Variants in CD59 observed in about 807,000 individuals in gnomAD.
The protein encoded by CD59 is CD59 molecule (CD59 blood group), also known as CD59 glycoprotein.
CD59 carries 3 observed loss-of-function variants against 7.0 expected under a neutral mutation model. The observed-to-expected ratio is 0.43, with a 90% CI of 0.19 to 1.10. The LOEUF is 1.10. Ranked by LOEUF, CD59 falls within the 50% of genes least tolerant of loss-of-function variation. The pLI is 0.29. For synonymous variants in CD59, 60 were observed against 62.0 expected (o/e 0.97, Z 0.15); for missense variants, 143 against 151.0 (o/e 0.95, Z 0.28).
chr11:33,710,685 C>A (rs76485473), intron 3 of CD59, among the ~76,000 whole-genome samples: 3 of 151,500 alleles, frequency 2.0e-5, no homozygotes, highest in Admixed American at 6.6e-5. Context: ...TTAGAATTTA[C>A]GCTATGAAGT....
intron 1 of CD59, among the ~76,000 whole-genome samples, chr11:33,733,339 G>A (rs867915542): frequency 6.6e-6 from 1 of 152,208 alleles, no homozygotes; most frequent in Non-Finnish European, 1.5e-5. Context: ...TTATAAGGCC[G>A]AGTGTGGTGG....
At chr11:33,711,679 T>TA (rs34595102) in intron 3 of CD59, among the ~76,000 whole-genome samples, 5,163 of 150,968 alleles carry the variant, frequency 0.034, 299 homozygotes, top group African/African-American at 0.11. Context: ...CTTGCCTCTT[T>TA]AAAAAAAAAT....
rs761008545 is a variant in CD59 at position 33,710,214 on chromosome 11, A to C, written c.299T>G (p.Leu100Arg). ...KKDLCNFNEQ[L>R]ENGGTSLSEK... ...TGATAAGGATGTCCCACCATTTTCA[A>C]GCTGTTCGTTAAAGTTACACAGGTC... Residue 100 changes from leucine to arginine, a missense_variant, in exon 4 of 4, where the codon CTT becomes CGT. By Grantham distance (102) the Leu-to-Arg change is moderately radical. Coordinates refer to ENST00000642928, the MANE Select transcript of CD59 (RefSeq NM_000611.6). 58 of 1,614,076 alleles carry C rather than the reference A, an allele frequency of 3.6e-5. No individual in the cohort carries two copies. Among genetic ancestry groups the C allele is most frequent in the South Asian group, 1.9e-4 (17 of 91,090 alleles).
chr11:33,735,749 C>G (rs1327087650), intron 1 of CD59, among the ~76,000 whole-genome samples: 1 of 152,022 alleles, frequency 6.6e-6, no homozygotes, highest in Non-Finnish European at 1.5e-5. Flanking sequence ...AACCCCGTTT[C>G]TACTAAAAAT....
chr11:33,729,583 T>G (rs1854354896), intron 1 of CD59, among the ~76,000 whole-genome samples: 1 of 151,898 alleles, frequency 6.6e-6, no homozygotes, highest in African/African-American at 2.4e-5. Flanking sequence ...AGTTGATGGG[T>G]GCAGCACACC....
chr11:33,729,461 A>G (rs1402674032), intron 1 of CD59, among the ~76,000 whole-genome samples: 3 of 152,134 alleles, frequency 2.0e-5, no homozygotes, highest in Non-Finnish European at 4.4e-5. Context: ...AGTGGGAGTT[A>G]AACAATGAGA....
chr11:33,704,210 A>G lies in CD59; in HGVS notation c.*5916T>C, dbSNP rs1853216558. 6.6e-6 allele frequency: 1 copy of G among 151,876 alleles called. No individual in the cohort carries two copies. Among genetic ancestry groups the G allele is most frequent in the South Asian group, 2.1e-4 (1 of 4,800 alleles). The allele number at this position is 151,876 out of a possible 1,614,324, so 9.4% of individuals were successfully genotyped here. A position where few individuals can be genotyped will look rare whatever the true frequency, so the allele number is the denominator to read the frequency against. On this transcript the variant is annotated 3_prime_UTR_variant, in exon 4 of 4. Transcript: ENST00000642928. ...TACAAGAGTTGTGCCTGAATCTGGG[A>G]CTCTCTGTGACCCTGGGAAAATCAC...
At chr11:33,725,810 G>A (rs910941403) in intron 1 of CD59, among the ~76,000 whole-genome samples, 2 of 152,048 alleles carry the variant, frequency 1.3e-5, no homozygotes, top group Non-Finnish European at 2.9e-5. Context: ...AAAGTAATGG[G>A]CGTGGAAGGC....
intron 3 of CD59, among the ~76,000 whole-genome samples, chr11:33,713,349 T>G (rs1853648874): frequency 6.6e-6 from 1 of 152,252 alleles, no homozygotes; most frequent in Admixed American, 6.5e-5. Flanking sequence ...AGATGCATAC[T>G]TCCTTATTTC....
intron 1 of CD59, among the ~76,000 whole-genome samples, chr11:33,727,133 C>T (rs1465136590): frequency 1.3e-5 from 2 of 152,144 alleles, no homozygotes; most frequent in Admixed American, 6.5e-5. Flanking sequence ...GAAACTATTC[C>T]AATCAATAGA....
chr11:33,734,865 C>T (rs1437648953), intron 1 of CD59, among the ~76,000 whole-genome samples: 2 of 152,212 alleles, frequency 1.3e-5, no homozygotes, highest in Non-Finnish European at 2.9e-5. Flanking sequence ...TTTTCAAGAG[C>T]TTCTACCAGC....
rs1464688527 is a variant in CD59 at position 33,722,620 on chromosome 11, C to A, written c.-18-157G>T. The A allele has an allele frequency of 2.7e-6, 4 of 1,500,852 alleles. No individual in the cohort carries two copies. In the East Asian group the frequency reaches 1.0e-4, roughly 39 times the overall value. The allele number at this position is 1,500,852 out of a possible 1,614,324, so 93.0% of individuals were successfully genotyped here. On this transcript the variant is annotated intron_variant, in intron 1 of 3. Coordinates refer to ENST00000642928, the MANE Select transcript of CD59 (RefSeq NM_000611.6). ...CCCTGGGCCATGCCCCAGCTCTGAC[C>A]CACAGCACCATATACCCTTGAGTAG... is the stretch of plus-strand genomic sequence containing the variant.
At chr11:33,734,032 G>A (rs184122572) in intron 1 of CD59, among the ~76,000 whole-genome samples, 57 of 152,370 alleles carry the variant, frequency 3.7e-4, no homozygotes, top group African/African-American at 1.3e-3. Context: ...GATGGATCTT[G>A]TTTCTATTCG....
intron 2 of CD59, among the ~76,000 whole-genome samples, chr11:33,722,014 G>A (rs1425734227): frequency 6.6e-6 from 1 of 152,160 alleles, no homozygotes; most frequent in Non-Finnish European, 1.5e-5. Flanking sequence ...CAGAAGGACT[G>A]AGCTCAGATG....
intron 1 of CD59, among the ~76,000 whole-genome samples, chr11:33,723,315 ACCCT>A (rs1389822309): frequency 1.3e-5 from 2 of 151,996 alleles, no homozygotes; most frequent in Non-Finnish European, 2.9e-5. Flanking sequence ...TGAGTCATCT[ACCCT>A]CCCTAAGTCA....
Position 33,709,852 on chromosome 11 carries a change from G to C in CD59, c.*274C>G. On this transcript the variant is annotated 3_prime_UTR_variant, in exon 4 of 4. Transcript: ENST00000642928. The stretch of plus-strand genomic sequence containing the variant: ...CCACTCAAGCTGTCACTGCAAAGCT[G>C]GTCTTCCCAAGAGCAAAGGAGGAAG... 1 of 557,446 alleles carries C rather than the reference G, an allele frequency of 1.8e-6. No homozygotes were observed. Among genetic ancestry groups the C allele is most frequent in the Non-Finnish European group, 3.2e-6 (1 of 311,570 alleles). 34.5% of individuals were successfully genotyped at this position (557,446 alleles called of 1,614,324 possible).
At position 33,709,931 on chromosome 11, in the gene CD59, G is replaced by T; in HGVS notation, c.*195C>A. 1.6e-6 allele frequency: 1 copy of T among 635,836 alleles called. No homozygotes were observed. The highest frequency in any genetic ancestry group is 2.8e-6 in the Non-Finnish European group (1 of 358,316). The allele number at this position is 635,836 out of a possible 1,614,324, so 39.4% of individuals were successfully genotyped here. A position where few individuals can be genotyped will look rare whatever the true frequency, so the allele number is the denominator to read the frequency against. ...TTCACTCTTAGACTTCTTCCTTCAAGTGGGGCTTCCCTGCAAACAGGACTG... is the reference window on the plus strand; with the variant it reads ...TTCACTCTTAGACTTCTTCCTTCAATTGGGGCTTCCCTGCAAACAGGACTG... On this transcript the variant is annotated 3_prime_UTR_variant, in exon 4 of 4. Transcript: ENST00000642928.
At chr11:33,716,042 T>C (rs2133540786) in intron 3 of CD59, among the ~76,000 whole-genome samples, 1 of 152,330 alleles carries the variant, frequency 6.6e-6, no homozygotes, top group Admixed American at 6.5e-5. Context: ...ATAATGACCA[T>C]GTTCTCGCTA....
chr11:33,715,291 C>T (rs2133538616), intron 3 of CD59, among the ~76,000 whole-genome samples: 1 of 152,268 alleles, frequency 6.6e-6, no homozygotes, highest in South Asian at 2.1e-4. Context: ...TGCATTCCCA[C>T]TAGGAATGAA....
Sources: gnomAD v4.1 joint callset for allele counts (sites outside exome capture counted in the v4.1 genomes callset) on GRCh38, gnomAD v4.1.1 for gene constraint, MANE v1.5 for transcripts, NCBI Gene and HGNC (gene_info 2026-07-23, HGNC 2026-07-21) for gene names.